DENND4C: variants seen among roughly 807,000 people sequenced by gnomAD.
DENND4C encodes DENN domain-containing protein 4C.
Under a neutral mutation model 203.0 loss-of-function variants are expected in DENND4C, and 108 were observed. The ratio of observed to expected loss-of-function variants is 0.53; its 90% CI spans 0.46 to 0.62. DENND4C has a LOEUF of 0.62. Among genes scored for constraint, DENND4C ranks in the 20% least tolerant of loss-of-function variants. The pLI is 0.00. For missense variants in DENND4C, 2,481 were observed against 2,301.2 expected, an observed-to-expected ratio of 1.08 and a Z score of -1.60; for synonymous variants, 871 against 792.4, an observed-to-expected ratio of 1.10 and a Z score of -1.67.
At chr9:19,311,073 A>T (rs551994978) in intron 10 of DENND4C, among the ~76,000 whole-genome samples, 2 of 152,220 alleles carry the variant, frequency 1.3e-5, no homozygotes, top group African/African-American at 4.8e-5. Flanking sequence ...TATCAAAAAA[A>T]TTTATTTGAC....
At chr9:19,361,543 AG>A (rs1288187789) in intron 29 of DENND4C, among the ~76,000 whole-genome samples, 1 of 152,218 alleles carries the variant, frequency 6.6e-6, no homozygotes, top group African/African-American at 2.4e-5. Context: ...TTATTTGGTA[AG>A]GTAGTAGAAC....
chr9:19,343,480 G>T, intron 22 of DENND4C, among the ~76,000 whole-genome samples: 1 of 152,206 alleles, frequency 6.6e-6, no homozygotes, highest in Non-Finnish European at 1.5e-5. Context: ...GTCTGAAAAT[G>T]TATCTATTGT....
chr9:19,341,862 C>A (rs1030554106), intron 21 of DENND4C, among the ~76,000 whole-genome samples: 2 of 152,078 alleles, frequency 1.3e-5, no homozygotes, highest in African/African-American at 2.4e-5. Context: ...TGGTGGCTCA[C>A]GCCTGTATTC....
At chr9:19,235,704 G>A (rs1166758666) in intron 1 of DENND4C, among the ~76,000 whole-genome samples, 2 of 142,876 alleles carry the variant, frequency 1.4e-5, no homozygotes, top group African/African-American at 2.6e-5. Context: ...TCCTCCTCCC[G>A]GGTTCATGCC....
chr9:19,236,145 A>G (rs1277238183), intron 1 of DENND4C, among the ~76,000 whole-genome samples: 1 of 152,100 alleles, frequency 6.6e-6, no homozygotes, highest in Non-Finnish European at 1.5e-5. Flanking sequence ...AAATTATGGA[A>G]AGAGGATCTA....
At chr9:19,259,384 C>T (rs949968136) in intron 1 of DENND4C, among the ~76,000 whole-genome samples, 15 of 151,952 alleles carry the variant, frequency 9.9e-5, no homozygotes, top group African/African-American at 2.7e-4. Flanking sequence ...GCCTGGCTTA[C>T]TTTACTTAAT....
intron 1 of DENND4C, among the ~76,000 whole-genome samples, chr9:19,235,051 G>A (rs1458537883): frequency 1.3e-5 from 2 of 151,442 alleles, no homozygotes; most frequent in African/African-American, 2.4e-5. Context: ...TGCAACCTCG[G>A]CCTCCCAGAT....
At chr9:19,352,712 C>A in intron 26 of DENND4C, 47 bp downstream of exon 26, 1 of 1,423,558 alleles carries the variant, frequency 7.0e-7, no homozygotes, top group Non-Finnish European at 9.4e-7. Context: ...CCTCAAAAAA[C>A]ACGACTTCTG....
intron 1 of DENND4C, among the ~76,000 whole-genome samples, chr9:19,249,921 T>C (rs2131589418): frequency 6.6e-6 from 1 of 152,184 alleles, no homozygotes; most frequent in East Asian, 1.9e-4. Flanking sequence ...GCCTCCCAAA[T>C]TGCTGGGATT....
intron 2 of DENND4C, among the ~76,000 whole-genome samples, chr9:19,283,783 C>T (rs766106085): frequency 1.3e-4 from 19 of 151,054 alleles, no homozygotes; most frequent in African/African-American, 2.2e-4. Flanking sequence ...TTAGTAGAGA[C>T]GGTGTTTTTC....
At chr9:19,350,537 T>A (rs539090269) in intron 23 of DENND4C, among the ~76,000 whole-genome samples, 165 bp from the exon 24 acceptor site, 2 of 152,100 alleles carry the variant, frequency 1.3e-5, no homozygotes, top group African/African-American at 4.8e-5. Context: ...TGTCTTAGAG[T>A]GTGGAAGTGA....
Position 19,316,849 on chromosome 9 carries a change from A to G in DENND4C, c.1807+10A>G. The G allele has an allele frequency of 1.9e-6, 3 of 1,600,050 alleles. No homozygotes were observed. The highest frequency in any genetic ancestry group is 2.6e-6 in the Non-Finnish European group (3 of 1,174,682). ...TTGTTTGACCGACAGGGTGAGTAGCATTGAAAGTACAATTCCTTTTATTGA... is the reference window on the plus strand; with the variant it reads ...TTGTTTGACCGACAGGGTGAGTAGCGTTGAAAGTACAATTCCTTTTATTGA... On this transcript the variant is annotated intron_variant, in intron 12 of 32. Coordinates refer to ENST00000434457, the MANE Select transcript of DENND4C (RefSeq NM_001330640.2).
At chr9:19,314,104 GAT>G (rs763871083) in intron 10 of DENND4C, among the ~76,000 whole-genome samples, 2 of 151,826 alleles carry the variant, frequency 1.3e-5, no homozygotes, top group Non-Finnish European at 2.9e-5. Flanking sequence ...AAAAAAGAAT[GAT>G]ACAATGGACT....
At chr9:19,310,445 C>G (rs1840516934) in intron 10 of DENND4C, among the ~76,000 whole-genome samples, 1 of 152,194 alleles carries the variant, frequency 6.6e-6, no homozygotes, top group Non-Finnish European at 1.5e-5. Context: ...CATGCTCATT[C>G]ATTTACATAT....
intron 1 of DENND4C, among the ~76,000 whole-genome samples, chr9:19,254,263 AGATT>A (rs1417758852): frequency 1.3e-5 from 2 of 152,218 alleles, no homozygotes. Flanking sequence ...TGAAATCAGT[AGATT>A]GAAGAGATAT....
chr9:19,256,331 T>C (rs146368571), intron 1 of DENND4C, among the ~76,000 whole-genome samples: 8,123 of 132,882 alleles, frequency 0.061, 532 homozygotes, highest in African/African-American at 0.16. Context: ...TTTTTTGAGA[T>C]GGAGTTTCGC....
chr9:19,321,194 G>A (rs1842821889), intron 12 of DENND4C, among the ~76,000 whole-genome samples: 1 of 152,206 alleles, frequency 6.6e-6, no homozygotes, highest in Admixed American at 6.5e-5. Flanking sequence ...AGATTGCACT[G>A]GAGACATTGA....
intron 10 of DENND4C, among the ~76,000 whole-genome samples, chr9:19,309,138 G>C (rs73435120): frequency 1.3e-5 from 2 of 152,076 alleles, no homozygotes; most frequent in African/African-American, 4.8e-5. Flanking sequence ...AAAATTGCTT[G>C]TAGGCCGGGA....
At position 19,336,406 on chromosome 9, in the gene DENND4C, C is replaced by T; in HGVS notation, c.2726C>T (p.Ser909Leu). ...KKTVQRSQVS[S>L]ISALQNVTGG... The stretch of plus-strand genomic sequence containing the variant: ...ACTGTGCAAAGGTCACAGGTCTCCT[C>T]AATATCAGGTAATACATGTGATTAG... Residue 909 changes from serine (S) to leucine (L), a missense_variant, in exon 19 of 33, where the codon TCA (serine) becomes TTA (leucine). Physicochemically the swap from Ser to Leu is moderately radical, Grantham distance 145 (BLOSUM62 -2). This residue lies in a region of DENND4C where 2,289 missense variants were observed against 2,113.3 expected (regional missense o/e 1.08). Transcript: ENST00000434457. The T allele has an allele frequency of 6.2e-7, 1 of 1,612,866 alleles. No homozygotes were observed. Among genetic ancestry groups the T allele is most frequent in the Non-Finnish European group, 8.5e-7 (1 of 1,179,654 alleles).
Sources: gnomAD v4.1 joint callset for allele counts (sites outside exome capture counted in the v4.1 genomes callset) on GRCh38, gnomAD v4.1.1 for gene constraint, gnomAD v4.1.1 regional missense constraint, MANE v1.5 for transcripts, NCBI Gene and HGNC (gene_info 2026-07-23, HGNC 2026-07-21) for gene names.